The following KCNK13 variants were observed in gnomAD, a reference collection of about 807,000 sequenced individuals.
The protein encoded by KCNK13 is potassium two pore domain channel subfamily K member 13, also known as potassium channel subfamily K member 13.
A neutral mutation model predicts 23.4 loss-of-function variants in KCNK13; 12 were observed. The observed-to-expected ratio is 0.51, with a 90% CI of 0.33 to 0.83. The LOEUF is 0.83. Ranked by LOEUF, KCNK13 falls within the 40% of genes least tolerant of loss-of-function variation. The pLI is 0.02. For synonymous variants in KCNK13, 231 were observed against 229.5 expected (o/e 1.01, Z -0.06); for missense variants, 463 against 556.3 (o/e 0.83, Z 1.69).
Position 90,185,112 on chromosome 14 carries a change from C to A in KCNK13, c.*109C>A. ...GGCTCTGTTCCTTCTGGGAGCTGTTCCCGGGAGCCTCCGCAAGCATCTTTA... is the reference window on the plus strand; with the variant it reads ...GGCTCTGTTCCTTCTGGGAGCTGTTACCGGGAGCCTCCGCAAGCATCTTTA... On this transcript the variant is annotated 3_prime_UTR_variant, in exon 2 of 2. Coordinates refer to ENST00000282146, the MANE Select transcript of KCNK13 (RefSeq NM_022054.4). The A allele has an allele frequency of 2.0e-6, 2 of 1,005,768 alleles. No homozygotes were observed. Among genetic ancestry groups the A allele is most frequent in the Non-Finnish European group, 2.8e-6 (2 of 720,658 alleles). 62.3% of individuals were successfully genotyped at this position (1,005,768 alleles called of 1,614,324 possible). A position where few individuals can be genotyped will look rare whatever the true frequency, so the allele number is the denominator to read the frequency against.
At chr14:90,173,213 T>C (rs1023430180) in intron 1 of KCNK13, among the ~76,000 whole-genome samples, 19 of 152,130 alleles carry the variant, frequency 1.2e-4, no homozygotes, top group African/African-American at 4.6e-4. Context: ...AAGAATATAC[T>C]AGGTGTGGTG....
At chr14:90,177,307 A>G (rs1890433230) in intron 1 of KCNK13, 1 of 152,158 alleles carries the variant, frequency 6.6e-6, no homozygotes, top group South Asian at 2.1e-4. Flanking sequence ...CCCCATTCTC[A>G]CTACTGCACT....
chr14:90,070,702 C>T (rs1445438278), intron 1 of KCNK13, among the ~76,000 whole-genome samples: 2 of 152,198 alleles, frequency 1.3e-5, no homozygotes, highest in African/African-American at 2.4e-5. Flanking sequence ...AATATTTTTG[C>T]AACTGCTCTC....
chr14:90,131,094 C>T (rs1054681094), intron 1 of KCNK13, among the ~76,000 whole-genome samples: 2 of 152,168 alleles, frequency 1.3e-5, no homozygotes, highest in African/African-American at 4.8e-5. Flanking sequence ...TGGAAAGCAC[C>T]TGGCACATAG....
intron 1 of KCNK13, among the ~76,000 whole-genome samples, chr14:90,077,128 T>C (rs1013938253): frequency 1.3e-4 from 19 of 148,524 alleles, no homozygotes; most frequent in African/African-American, 1.7e-4. Context: ...TTTTTTTTTT[T>C]TTTTTTTTTA....
intron 1 of KCNK13, among the ~76,000 whole-genome samples, chr14:90,088,979 C>T (rs925344154): frequency 3.3e-5 from 5 of 152,156 alleles, no homozygotes; most frequent in African/African-American, 7.2e-5. Context: ...CCATGTGGAA[C>T]GTAAGTCCAT....
intron 1 of KCNK13, among the ~76,000 whole-genome samples, chr14:90,144,310 A>G (rs1334496998): frequency 6.6e-6 from 1 of 152,072 alleles, no homozygotes; most frequent in Non-Finnish European, 1.5e-5. Context: ...TTTTGATGCT[A>G]TTGTACATGA....
In KCNK13 at chr14:90,184,157, G is replaced by C. The variant is rs758737865; in HGVS notation, c.381G>C (p.Leu127=). ...CGACAGTAGGAGGAAAAATCTTTCT[G>C]ATCTTTTACGGCCTTGTTGGGTGTT... ...TPATVGGKIF[L]IFYGLVGCSS... is the part of the protein sequence containing the mutation. The change falls in exon 2 of 2, where the codon CTG becomes CTC. Residue 127 remains leucine, a synonymous_variant. Transcript: ENST00000282146. This position sits in a 1 kb window ranked among gnomAD's most constrained non-coding sequence, Gnocchi z 5.6. 2 of 1,614,118 alleles carry C rather than the reference G, an allele frequency of 1.2e-6. No homozygotes were observed. Among genetic ancestry groups the C allele is most frequent in the East Asian group, 4.5e-5 (2 of 44,890 alleles).
intron 1 of KCNK13, among the ~76,000 whole-genome samples, chr14:90,173,891 C>T (rs1411819560): frequency 1.3e-5 from 2 of 152,194 alleles, no homozygotes; most frequent in Admixed American, 6.5e-5. Context: ...TTAATTGACT[C>T]ACAGTTCTGC....
At chr14:90,165,142 A>C (rs1363942178) in intron 1 of KCNK13, among the ~76,000 whole-genome samples, 1 of 152,128 alleles carries the variant, frequency 6.6e-6, no homozygotes, top group Non-Finnish European at 1.5e-5. Flanking sequence ...TCACTATCAC[A>C]ATAACAACCC....
chr14:90,087,597 G>T (rs763894449), intron 1 of KCNK13, among the ~76,000 whole-genome samples: 1 of 152,084 alleles, frequency 6.6e-6, no homozygotes, highest in African/African-American at 2.4e-5. Context: ...GTTTGAAAAC[G>T]GACTTGCAAC....
chr14:90,151,891 T>C (rs1184467089), intron 1 of KCNK13, among the ~76,000 whole-genome samples: 1 of 152,248 alleles, frequency 6.6e-6, no homozygotes, highest in Non-Finnish European at 1.5e-5. Flanking sequence ...CCTTTTCCCA[T>C]TGTGCATTCT....
rs1035755545 is a variant in KCNK13 at position 90,070,704 on chromosome 14, A to C, written c.334+8165A>C. ...CAAGCTTTTCTTCAATATTTTTGCAACTGCTCTCCGTTTCCAGTTATAGCA... is the reference window on the plus strand; with the variant it reads ...CAAGCTTTTCTTCAATATTTTTGCACCTGCTCTCCGTTTCCAGTTATAGCA... On this transcript the variant is annotated intron_variant, in intron 1 of 1. Transcript: ENST00000282146. Among the ~76,000 whole-genome samples the C allele has an allele frequency of 2.6e-5, 4 of 152,190 alleles. 1 individual carries two copies. Among genetic ancestry groups the C allele is most frequent in the Non-Finnish European group, 5.9e-5 (4 of 68,034 alleles).
intron 1 of KCNK13, among the ~76,000 whole-genome samples, chr14:90,080,906 G>A (rs1160558397): frequency 6.6e-6 from 1 of 152,156 alleles, no homozygotes; most frequent in African/African-American, 2.4e-5. Flanking sequence ...GGGCAGTCCT[G>A]TGCATCCTAG....
intron 1 of KCNK13, among the ~76,000 whole-genome samples, chr14:90,175,904 T>C (rs1485138738): frequency 2.0e-5 from 3 of 152,082 alleles, no homozygotes; most frequent in Non-Finnish European, 2.9e-5. Context: ...TCCAGCTGAG[T>C]GGTCACCCTT....
intron 1 of KCNK13, among the ~76,000 whole-genome samples, chr14:90,180,375 G>T (rs569141583): frequency 6.6e-5 from 10 of 152,076 alleles, no homozygotes; most frequent in African/African-American, 1.7e-4. Context: ...CAGCATTATG[G>T]GGCTCAAAAA....
At position 90,148,238 on chromosome 14, in the gene KCNK13, T is replaced by C. The variant is rs755141977; in HGVS notation, c.335-35873T>C. ...GGAGCTTTTATTCTCTTTTATAATG[T>C]GCCTGCCCATTCTTGCCGTAGCACC... On this transcript the variant is annotated intron_variant, in intron 1 of 1. Transcript: ENST00000282146. Among the ~76,000 whole-genome samples the C allele has an allele frequency of 7.2e-5, 11 of 152,282 alleles. No individual in the cohort carries two copies. The South Asian group carries it at 2.1e-3, about 29-fold the overall frequency.
chr14:90,139,843 T>C (rs761036336), intron 1 of KCNK13, among the ~76,000 whole-genome samples: 2 of 152,094 alleles, frequency 1.3e-5, no homozygotes, highest in Non-Finnish European at 2.9e-5. Context: ...ACGCCTGTAG[T>C]CCCACCTACT....
At chr14:90,115,226 C>T (rs995827619) in intron 1 of KCNK13, among the ~76,000 whole-genome samples, 1 of 152,120 alleles carries the variant, frequency 6.6e-6, no homozygotes, top group Non-Finnish European at 1.5e-5. Flanking sequence ...TAGTTGGACC[C>T]TACCCCAGAG....
Sources: gnomAD v4.1 joint callset for allele counts (sites outside exome capture counted in the v4.1 genomes callset) on GRCh38, gnomAD v4.1.1 for gene constraint, Gnocchi (gnomAD v3.1) non-coding constraint, MANE v1.5 for transcripts, NCBI Gene and HGNC (gene_info 2026-07-23, HGNC 2026-07-21) for gene names.